Variants in TADA2A observed in about 807,000 individuals in gnomAD.
TADA2A encodes the protein transcriptional adapter 2-alpha.
TADA2A carries 38 observed loss-of-function variants against 67.4 expected under a neutral mutation model. That is an observed-to-expected ratio of 0.56 (90% CI 0.44 to 0.74). The LOEUF is 0.74. TADA2A is among the 30% of genes least tolerant of loss of function. The probability of loss-of-function intolerance (pLI) is 0.00; values close to 1 mark genes in which losing one functional copy is unlikely to be tolerated. For synonymous variants in TADA2A, 192 were observed against 181.6 expected (o/e 1.06, Z -0.46); for missense variants, 454 against 547.0 (o/e 0.83, Z 1.70).
chr17:37,432,925 A>ATTTTTTTTTTT (rs1046006991), intron 4 of TADA2A, among the ~76,000 whole-genome samples: 2 of 52,208 alleles, frequency 3.8e-5, no homozygotes, highest in African/African-American at 7.4e-5. Context: ...TGGTATTACA[A>ATTTTTTTTTTT]TTTTTTTTTT....
At chr17:37,465,743 GC>G (rs1357938548) in intron 11 of TADA2A, 3 of 762,924 alleles carry the variant, frequency 3.9e-6, no homozygotes, top group Non-Finnish European at 4.0e-6. Context: ...TTCCCCCATT[GC>G]CCCAGATAAA....
intron 14 of TADA2A, among the ~76,000 whole-genome samples, chr17:37,471,739 CA>C (rs1371706941): frequency 6.6e-6 from 1 of 152,094 alleles, no homozygotes; most frequent in African/African-American, 2.4e-5. Flanking sequence ...CTCCTGACCT[CA>C]AGTGAGGCAC....
At chr17:37,445,928 G>A (rs187518184) in intron 8 of TADA2A, among the ~76,000 whole-genome samples, 25 of 152,110 alleles carry the variant, frequency 1.6e-4, no homozygotes, top group Admixed American at 1.4e-3. Flanking sequence ...TTTTCATATT[G>A]CATGGACTGG....
At chr17:37,438,762 A>G (rs570274024) in intron 5 of TADA2A, among the ~76,000 whole-genome samples, 1 of 152,344 alleles carries the variant, frequency 6.6e-6, no homozygotes, top group East Asian at 1.9e-4. Context: ...TTTGCTAGTC[A>G]TCTTTGGCCT....
At chr17:37,444,873 T>C (rs1164222966) in intron 8 of TADA2A, 105 bp downstream of exon 8, 26 of 1,055,788 alleles carry the variant, frequency 2.5e-5, no homozygotes, top group Non-Finnish European at 3.2e-5. Flanking sequence ...CCTGCCCTTA[T>C]AGAATTCAGA....
chr17:37,479,045 G>A lies in TADA2A; in HGVS notation c.*2063G>A, dbSNP rs1179340195. On this transcript the variant is annotated 3_prime_UTR_variant, in exon 16 of 16. Coordinates refer to ENST00000615182, the MANE Select transcript of TADA2A (RefSeq NM_001166105.3). Reference sequence around the variant, plus strand: ...TGTTCTGAAAAGTTGGGATGCATTAGCCATCAGTGTTAGGTGACGTCTGTT... The same window carrying A: ...TGTTCTGAAAAGTTGGGATGCATTAACCATCAGTGTTAGGTGACGTCTGTT... The A allele has an allele frequency of 6.6e-6, 1 of 152,212 alleles. No homozygotes were observed. Among genetic ancestry groups the A allele is most frequent in the Admixed American group, 6.5e-5 (1 of 15,274 alleles). The allele number at this position is 152,212 out of a possible 1,614,324, so 9.4% of individuals were successfully genotyped here.
intron 4 of TADA2A, among the ~76,000 whole-genome samples, chr17:37,427,856 C>T (rs1044619085): frequency 6.6e-6 from 1 of 152,020 alleles, no homozygotes; most frequent in Non-Finnish European, 1.5e-5. Context: ...GTGATGTGCA[C>T]CTGTAGTCTC....
At chr17:37,456,346 T>C (rs2053390790) in intron 8 of TADA2A, among the ~76,000 whole-genome samples, 1 of 152,220 alleles carries the variant, frequency 6.6e-6, no homozygotes, top group Non-Finnish European at 1.5e-5. Context: ...CTTTAAAATA[T>C]TTTTCAAGTA....
Position 37,477,051 on chromosome 17 carries a change from G to A in TADA2A, c.*69G>A, listed in dbSNP as rs376358646. 4 of 1,455,676 alleles carry A rather than the reference G, an allele frequency of 2.7e-6. No individual in the cohort carries two copies. Among genetic ancestry groups the A allele is most frequent in the Non-Finnish European group, 3.7e-6 (4 of 1,078,822 alleles). 90.2% of individuals were successfully genotyped at this position (1,455,676 alleles called of 1,614,324 possible). A position where few individuals can be genotyped will look rare whatever the true frequency, so the allele number is the denominator to read the frequency against. ...GTGGGTCAAAGGACAATATGGGTGG[G>A]CATTCTGGAGAGTTGTTTTTCAGCT... On this transcript the variant is annotated 3_prime_UTR_variant, in exon 16 of 16. Transcript: ENST00000615182.
At chr17:37,425,815 A>ATTTT (rs1235489576) in intron 3 of TADA2A, among the ~76,000 whole-genome samples, 1 of 126,896 alleles carries the variant, frequency 7.9e-6, no homozygotes, top group Non-Finnish European at 1.7e-5. Flanking sequence ...TGTCCAGCTA[A>ATTTT]TTTTTTTTTT....
chr17:37,463,990 A>T (rs1404096370), intron 10 of TADA2A, among the ~76,000 whole-genome samples: 1 of 152,110 alleles, frequency 6.6e-6, no homozygotes, highest in African/African-American at 2.4e-5. Flanking sequence ...AAAAAAAAAT[A>T]GCTGTCATAA....
At chr17:37,424,444 C>T (rs2052342440) in intron 3 of TADA2A, among the ~76,000 whole-genome samples, 1 of 151,978 alleles carries the variant, frequency 6.6e-6, no homozygotes, top group Non-Finnish European at 1.5e-5. Flanking sequence ...ACCTCTGCCT[C>T]CCGGGTTCAA....
intron 11 of TADA2A, among the ~76,000 whole-genome samples, chr17:37,466,126 A>G (rs1254682030): frequency 6.6e-6 from 1 of 152,194 alleles, no homozygotes; most frequent in African/African-American, 2.4e-5. Flanking sequence ...TAAAAAATTA[A>G]AAGTTGTTAT....
chr17:37,437,898 A>C, intron 5 of TADA2A, 69 bp downstream of exon 5: 1 of 1,440,904 alleles, frequency 6.9e-7, no homozygotes, highest in Non-Finnish European at 9.7e-7. Flanking sequence ...TTGAAGAGTA[A>C]AGGAAGGAAC....
intron 8 of TADA2A, among the ~76,000 whole-genome samples, chr17:37,453,945 TA>T (rs1473527519): frequency 1.5e-4 from 23 of 151,926 alleles, no homozygotes; most frequent in Admixed American, 3.3e-4. Flanking sequence ...TAATTTTTTG[TA>T]TTTTTTAGTA....
chr17:37,466,875 G>T (rs566425985), intron 11 of TADA2A, among the ~76,000 whole-genome samples: 10 of 152,148 alleles, frequency 6.6e-5, no homozygotes, highest in Non-Finnish European at 1.3e-4. Flanking sequence ...ATTATATTTT[G>T]CCCAGTGCGG....
intron 4 of TADA2A, among the ~76,000 whole-genome samples, chr17:37,437,161 C>G (rs2052753029): frequency 9.0e-6 from 1 of 110,998 alleles, no homozygotes; most frequent in Admixed American, 8.6e-5. Context: ...TCTCAGCTCA[C>G]TGCAAGCTCC....
intron 12 of TADA2A, 113 bp downstream of exon 12, chr17:37,467,638 A>G: frequency 1.1e-6 from 1 of 885,464 alleles, no homozygotes; most frequent in Non-Finnish European, 1.7e-6. Flanking sequence ...TTCCTTTACC[A>G]GAATGCTTTA....
chr17:37,460,520 C>T (rs917077903), intron 9 of TADA2A, among the ~76,000 whole-genome samples: 1 of 152,172 alleles, frequency 6.6e-6, no homozygotes, highest in Non-Finnish European at 1.5e-5. Flanking sequence ...GCTGGGATTA[C>T]AGGCATGAGC....
Sources: gnomAD v4.1 joint callset for allele counts (sites outside exome capture counted in the v4.1 genomes callset) on GRCh38, gnomAD v4.1.1 for gene constraint, MANE v1.5 for transcripts, NCBI Gene and HGNC (gene_info 2026-07-23, HGNC 2026-07-21) for gene names.